GATAD2B: variants seen among roughly 807,000 people sequenced by gnomAD.
GATAD2B encodes the protein GATA zinc finger domain containing 2B.
GATAD2B carries 8 observed loss-of-function variants against 64.3 expected under a neutral mutation model. That is an observed-to-expected ratio of 0.12 (90% CI 0.07 to 0.22). GATAD2B has a LOEUF of 0.22. Among genes scored for constraint, GATAD2B ranks in the 10% least tolerant of loss-of-function variants. The probability of loss-of-function intolerance (pLI) is 1.00; values close to 1 mark genes in which losing one functional copy is unlikely to be tolerated. For missense variants in GATAD2B, 453 were observed against 752.0 expected, an observed-to-expected ratio of 0.60 and a Z score of 4.65; for synonymous variants, 281 against 271.3, an observed-to-expected ratio of 1.04 and a Z score of -0.35.
intron 1 of GATAD2B, among the ~76,000 whole-genome samples, chr1:153,832,474 G>A (rs150603771): frequency 4.9e-4 from 74 of 152,276 alleles, no homozygotes; most frequent in East Asian, 3.9e-3. Context: ...AGAAAAGCTG[G>A]AAACTAGCAG....
At chr1:153,871,710 A>G (rs1160635160) in intron 1 of GATAD2B, among the ~76,000 whole-genome samples, 1 of 151,972 alleles carries the variant, frequency 6.6e-6, no homozygotes, top group Non-Finnish European at 1.5e-5. Context: ...GCCTCAAGTG[A>G]TCCGCCCACT....
chr1:153,904,052 G>A (rs1439864264), intron 1 of GATAD2B, among the ~76,000 whole-genome samples: 3 of 152,060 alleles, frequency 2.0e-5, no homozygotes, highest in Admixed American at 1.3e-4. Flanking sequence ...AAGGTAAGGC[G>A]GGTGGATCAC....
chr1:153,819,827 G>A (rs781619780), intron 2 of GATAD2B, 92 bp from the exon 3 acceptor site: 220 of 1,117,340 alleles, frequency 2.0e-4, no homozygotes, highest in Non-Finnish European at 2.6e-4. Context: ...GGCCGGGTGC[G>A]GTGGCTCACT....
At chr1:153,845,313 C>A (rs537716544) in intron 1 of GATAD2B, among the ~76,000 whole-genome samples, 17 of 151,786 alleles carry the variant, frequency 1.1e-4, no homozygotes, top group Non-Finnish European at 4.4e-5. Flanking sequence ...GCACAGGAGG[C>A]TGAGGCTGCA....
At chr1:153,848,798 A>G (rs938696031) in intron 1 of GATAD2B, among the ~76,000 whole-genome samples, 1 of 152,084 alleles carries the variant, frequency 6.6e-6, no homozygotes, top group Admixed American at 6.6e-5. Flanking sequence ...CTGAAAGTAC[A>G]AAAAAATTAG....
chr1:153,814,468 T>A (rs1032329104), intron 7 of GATAD2B, among the ~76,000 whole-genome samples: 1 of 152,108 alleles, frequency 6.6e-6, no homozygotes, highest in Non-Finnish European at 1.5e-5. Flanking sequence ...GCAAAAACAC[T>A]CACATTAAAA....
rs1449277751 is a variant in GATAD2B, at chr1:153,807,140, C to T, written c.*3037G>A. 1.3e-5 allele frequency: 2 copies of T among 152,046 alleles called. No individual in the cohort carries two copies. The highest frequency in any genetic ancestry group is 2.9e-5 in the Non-Finnish European group (2 of 68,026). The allele number at this position is 152,046 out of a possible 1,614,324, so 9.4% of individuals were successfully genotyped here. On this transcript the variant is annotated 3_prime_UTR_variant, in exon 11 of 11. Coordinates refer to ENST00000368655, the MANE Select transcript of GATAD2B (RefSeq NM_020699.4). ...TTCAGGCTTCCAGGGAGTAAGACAC[C>T]AACCTTAAAATACTGCTTTTAGTGC...
At chr1:153,876,201 C>A (rs557985240) in intron 1 of GATAD2B, among the ~76,000 whole-genome samples, 2 of 118,354 alleles carry the variant, frequency 1.7e-5, no homozygotes, top group South Asian at 5.5e-4. Context: ...ACACTCCAGC[C>A]TGGGCAACAC....
intron 1 of GATAD2B, among the ~76,000 whole-genome samples, chr1:153,898,689 T>C (rs1677677689): frequency 6.6e-6 from 1 of 152,218 alleles, no homozygotes; most frequent in Non-Finnish European, 1.5e-5. Context: ...AGTGAAAGCC[T>C]CCCAGTAAGT....
At chr1:153,898,306 CAAAA>C (rs11373311) in intron 1 of GATAD2B, among the ~76,000 whole-genome samples, 2 of 80,778 alleles carry the variant, frequency 2.5e-5, no homozygotes, top group Admixed American at 1.3e-4. Context: ...CAGCCTGTCT[CAAAA>C]AAAAAAAAAA....
At chr1:153,862,284 A>C (rs988038853) in intron 1 of GATAD2B, among the ~76,000 whole-genome samples, 5 of 151,324 alleles carry the variant, frequency 3.3e-5, no homozygotes, top group Admixed American at 6.6e-5. Context: ...CGTCACACCC[A>C]GCTAATTTTT....
chr1:153,897,034 T>A (rs892152152), intron 1 of GATAD2B, among the ~76,000 whole-genome samples: 3 of 76,616 alleles, frequency 3.9e-5, no homozygotes, highest in Non-Finnish European at 9.8e-5. Context: ...CTTAGAACAC[T>A]TTTTTTTTTT....
chr1:153,906,400 C>G (rs1446272019), intron 1 of GATAD2B, among the ~76,000 whole-genome samples: 3 of 152,134 alleles, frequency 2.0e-5, no homozygotes, highest in Non-Finnish European at 4.4e-5. Context: ...GCCTGGGCGA[C>G]AGAGCCAGAC....
intron 1 of GATAD2B, among the ~76,000 whole-genome samples, chr1:153,836,892 T>C (rs1377920001): frequency 6.6e-6 from 1 of 152,142 alleles, no homozygotes; most frequent in African/African-American, 2.4e-5. Context: ...CCCCTTACTA[T>C]ACATTAATGA....
intron 1 of GATAD2B, among the ~76,000 whole-genome samples, chr1:153,866,876 G>A (rs1468927017): frequency 3.3e-5 from 5 of 152,154 alleles, no homozygotes; most frequent in Admixed American, 6.6e-5. Context: ...CGCCTCCCGG[G>A]TTCAATAGAT....
rs1185265302 is a variant in GATAD2B, at chr1:153,816,850, G to A, written c.901-262C>T. On this transcript the variant is annotated intron_variant, in intron 6 of 10. Coordinates refer to ENST00000368655, the MANE Select transcript of GATAD2B (RefSeq NM_020699.4). This position sits in a 1 kb window ranked among gnomAD's most constrained non-coding sequence, Gnocchi z 4.9. Reference sequence around the variant, plus strand: ...TATAATCTCAGCACTTTGGGAGGCCGAGGTAGGCAGATCACTTGAGGTGAG... The same window carrying A: ...TATAATCTCAGCACTTTGGGAGGCCAAGGTAGGCAGATCACTTGAGGTGAG... 6.6e-6 allele frequency among the ~76,000 whole-genome samples: 1 copy of A among 152,164 alleles called. No individual in the cohort carries two copies. Among genetic ancestry groups the A allele is most frequent in the Non-Finnish European group, 1.5e-5 (1 of 68,024 alleles).
Position 153,816,192 on chromosome 1 carries a change from G to C in GATAD2B, c.1216+81C>G. The C allele has an allele frequency of 1.1e-6, 1 of 878,412 alleles. No individual in the cohort carries two copies. The highest frequency in any genetic ancestry group is 1.5e-5 in the South Asian group (1 of 67,402). 54.4% of individuals were successfully genotyped at this position (878,412 alleles called of 1,614,324 possible). A position where few individuals can be genotyped will look rare whatever the true frequency, so the allele number is the denominator to read the frequency against. The stretch of plus-strand genomic sequence containing the variant: ...AGGAGAAGTTATTTAATATTGTACA[G>C]TACCCTCTGATACTCTGCCTATGTC... On this transcript the variant is annotated intron_variant, in intron 7 of 10. Transcript: ENST00000368655. The surrounding 1 kb of genome is among the most constrained non-coding windows in gnomAD (Gnocchi z 4.9).
chr1:153,857,896 A>T (rs1676148338), intron 1 of GATAD2B, among the ~76,000 whole-genome samples: 2 of 152,212 alleles, frequency 1.3e-5, no homozygotes, highest in African/African-American at 4.8e-5. Context: ...CATCTCATTG[A>T]AGAGGTCAAG....
chr1:153,823,401 A>G (rs773834495), intron 2 of GATAD2B, among the ~76,000 whole-genome samples: 3 of 152,254 alleles, frequency 2.0e-5, no homozygotes, highest in Non-Finnish European at 4.4e-5. Flanking sequence ...GGTTTCATAC[A>G]TACCTTATTT....
Sources: allele counts gnomAD v4.1 joint callset (sites outside exome capture counted in the v4.1 genomes callset), GRCh38; gene constraint gnomAD v4.1.1; non-coding constraint Gnocchi (gnomAD v3.1); transcripts MANE v1.5; gene names NCBI Gene and HGNC (gene_info 2026-07-23, HGNC 2026-07-21).